The following WBP1L variants were observed in gnomAD, a reference collection of about 807,000 sequenced individuals.
WBP1L encodes the protein WW domain binding protein 1-like.
A neutral mutation model predicts 33.7 loss-of-function variants in WBP1L; 17 were observed. The ratio of observed to expected loss-of-function variants is 0.50; its 90% CI spans 0.34 to 0.76. The LOEUF (loss-of-function observed/expected upper bound fraction) is 0.76, where lower values mean the gene tolerates loss of function less well. Among genes scored for constraint, WBP1L ranks in the 30% least tolerant of loss-of-function variants. The probability of loss-of-function intolerance (pLI) is 0.01; values close to 1 mark genes in which losing one functional copy is unlikely to be tolerated. For missense variants in WBP1L, 389 were observed against 469.4 expected, an observed-to-expected ratio of 0.83 and a Z score of 1.58; for synonymous variants, 173 against 190.8, an observed-to-expected ratio of 0.91 and a Z score of 0.77.
intron 1 of WBP1L, among the ~76,000 whole-genome samples, chr10:102,792,890 G>A (rs187060821): frequency 3.3e-5 from 5 of 152,022 alleles, no homozygotes; most frequent in Admixed American, 1.3e-4. Flanking sequence ...CCACCGCGCC[G>A]CCTAGTTACT....
chr10:102,764,271 T>C (rs1843081212), intron 1 of WBP1L, among the ~76,000 whole-genome samples: 3 of 152,112 alleles, frequency 2.0e-5, no homozygotes, highest in Admixed American at 1.3e-4. Flanking sequence ...GTTTCTTGAG[T>C]CTCTCAAATA....
At chr10:102,773,390 T>G (rs995823053) in intron 1 of WBP1L, among the ~76,000 whole-genome samples, 1 of 152,194 alleles carries the variant, frequency 6.6e-6, no homozygotes, top group Non-Finnish European at 1.5e-5. Context: ...CACAAGAATT[T>G]ATAATCTGTG....
chr10:102,776,277 C>A, intron 1 of WBP1L: 1 of 1,606,478 alleles, frequency 6.2e-7, no homozygotes, highest in Non-Finnish European at 8.5e-7. Context: ...CTAAAGAAGG[C>A]CGGTGAACCA....
In WBP1L at chr10:102,798,008, G is replaced by A. The variant is rs1843597384; in HGVS notation, c.106G>A (p.Val36Met). The change falls in exon 2 of 4, where the codon GTG becomes ATG. Residue 36 changes from valine to methionine, a missense_variant. By Grantham distance (21) the Val-to-Met change is conservative (BLOSUM62 1). Transcript: ENST00000448841. ...AEPPQDKEAC[V>M]GTNNQSYICD... Reference sequence around the variant, plus strand: ...AATTTTTTAGGATAAGGAAGCCTGTGTGGGTACCAACAATCAAAGCTACAT... The same window carrying A: ...AATTTTTTAGGATAAGGAAGCCTGTATGGGTACCAACAATCAAAGCTACAT... The A allele has an allele frequency of 1.9e-6, 3 of 1,613,894 alleles. No homozygotes were observed. The highest frequency in any genetic ancestry group is 2.5e-6 in the Non-Finnish European group (3 of 1,180,016).
At chr10:102,769,356 C>CTTTTTTTTTTTT (rs376863934) in intron 1 of WBP1L, among the ~76,000 whole-genome samples, 1 of 134,664 alleles carries the variant, frequency 7.4e-6, no homozygotes, top group African/African-American at 2.6e-5. Flanking sequence ...TTTCTTTTTT[C>CTTTTTTTTTTTT]TTTCTTTTTT....
At chr10:102,772,609 G>T (rs1474532420) in intron 1 of WBP1L, among the ~76,000 whole-genome samples, 1 of 116,750 alleles carries the variant, frequency 8.6e-6, no homozygotes, top group Non-Finnish European at 1.6e-5. Context: ...TCGTTCTGTC[G>T]CTCAGGCTGG....
At chr10:102,809,488 C>T (rs1409058256) in intron 2 of WBP1L, among the ~76,000 whole-genome samples, 1 of 152,082 alleles carries the variant, frequency 6.6e-6, no homozygotes, top group Non-Finnish European at 1.5e-5. Flanking sequence ...TCTCGTGCCT[C>T]AGCCTCCTGA....
At chr10:102,766,793 CTG>C (rs1328543815) in intron 1 of WBP1L, among the ~76,000 whole-genome samples, 1 of 151,182 alleles carries the variant, frequency 6.6e-6, no homozygotes, top group Non-Finnish European at 1.5e-5. Context: ...GATTGCGCCT[CTG>C]CACTCCAGCC....
Position 102,760,479 on chromosome 10 carries a change from C to T in WBP1L, c.90+16336C>T, listed in dbSNP as rs534782517. Among the ~76,000 whole-genome samples, 86 of 150,070 alleles carry T rather than the reference C, an allele frequency of 5.7e-4. No individual in the cohort carries two copies. The South Asian group carries it at 0.018, about 31-fold the overall frequency. ...TCAACCTCCGCCTCCCGGGTTCAAG[C>T]GATTCTCCTGCCTCAGCCTTCCGAG... On this transcript the variant is annotated intron_variant, in intron 1 of 3. Transcript: ENST00000448841.
intron 1 of WBP1L, among the ~76,000 whole-genome samples, chr10:102,795,900 A>G (rs939412732): frequency 1.3e-5 from 2 of 152,206 alleles, no homozygotes; most frequent in African/African-American, 4.8e-5. Flanking sequence ...CACACGCACC[A>G]GGCTTCAGAG....
intron 1 of WBP1L, among the ~76,000 whole-genome samples, chr10:102,784,635 C>T (rs576943032): frequency 2.0e-5 from 3 of 152,044 alleles, no homozygotes; most frequent in Non-Finnish European, 2.9e-5. Context: ...CCGTGTTAGC[C>T]AGGATGGTCT....
At chr10:102,789,694 GTTTCA>G (rs1843468395) in intron 1 of WBP1L, among the ~76,000 whole-genome samples, 1 of 150,850 alleles carries the variant, frequency 6.6e-6, no homozygotes, top group Non-Finnish European at 1.5e-5. Context: ...TCACTCTGCA[GTTTCA>G]TACAGTGTAC....
intron 1 of WBP1L, among the ~76,000 whole-genome samples, chr10:102,791,387 C>T (rs531047621): frequency 1.3e-5 from 2 of 152,206 alleles, no homozygotes; most frequent in East Asian, 1.9e-4. Flanking sequence ...TCCCACCCCC[C>T]GAATCTCTTG....
intron 1 of WBP1L, among the ~76,000 whole-genome samples, chr10:102,776,861 C>T (rs1843270787): frequency 6.6e-6 from 1 of 152,032 alleles, no homozygotes; most frequent in Non-Finnish European, 1.5e-5. Context: ...GGTGAGGGCT[C>T]CGTTCTTCTT....
intron 1 of WBP1L, among the ~76,000 whole-genome samples, chr10:102,782,596 G>A (rs1415394203): frequency 6.6e-6 from 1 of 152,038 alleles, no homozygotes; most frequent in Admixed American, 6.6e-5. Flanking sequence ...CTAATTTGTA[G>A]CAACAGTGGG....
At chr10:102,760,676 A>C (rs1843027718) in intron 1 of WBP1L, among the ~76,000 whole-genome samples, 1 of 151,708 alleles carries the variant, frequency 6.6e-6, no homozygotes, top group African/African-American at 2.4e-5. Flanking sequence ...TGCCTGGCCG[A>C]GTCTTCCTTA....
At chr10:102,776,116 T>TC in intron 1 of WBP1L, 2 of 1,337,064 alleles carry the variant, frequency 1.5e-6, no homozygotes, top group Non-Finnish European at 1.9e-6. Flanking sequence ...TGATGTCATT[T>TC]CCCCCTTGGC....
intron 1 of WBP1L, among the ~76,000 whole-genome samples, chr10:102,753,583 C>T (rs1842944222): frequency 6.6e-6 from 1 of 152,176 alleles, no homozygotes; most frequent in Non-Finnish European, 1.5e-5. Flanking sequence ...TGCTTGCTTA[C>T]TCAGTTACAT....
intron 1 of WBP1L, among the ~76,000 whole-genome samples, chr10:102,752,290 G>C (rs1221622933): frequency 1.3e-5 from 2 of 152,136 alleles, no homozygotes; most frequent in Non-Finnish European, 2.9e-5. Context: ...ACCAGGTCCT[G>C]TTCATTATTG....
Sources: gnomAD v4.1 joint callset for allele counts (sites outside exome capture counted in the v4.1 genomes callset) on GRCh38, gnomAD v4.1.1 for gene constraint, MANE v1.5 for transcripts, NCBI Gene and HGNC (gene_info 2026-07-23, HGNC 2026-07-21) for gene names.